Variants in IARS2 observed in about 807,000 individuals in gnomAD.
IARS2 encodes isoleucine--tRNA ligase, mitochondrial.
IARS2 carries 56 observed loss-of-function variants against 126.3 expected under a neutral mutation model. The observed-to-expected ratio is 0.44, with a 90% CI of 0.36 to 0.55. The LOEUF (loss-of-function observed/expected upper bound fraction) is 0.55. Among genes scored for constraint, IARS2 ranks in the 20% least tolerant of loss-of-function variants. IARS2 has a pLI of 0.00. For missense variants in IARS2, 1,127 were observed against 1,245.9 expected (o/e 0.90, Z 1.44); for synonymous variants, 407 against 441.1 (o/e 0.92, Z 0.97).
Position 220,132,525 on chromosome 1 carries a change from C to CTT in IARS2, c.1838-1860_1838-1859dup, listed in dbSNP as rs1368575100. On this transcript the variant is annotated intron_variant, in intron 14 of 22. Transcript: ENST00000366922. ...TCTGTTGTATGTCACCTTTCTCTCTCTTTTTTTTTTTTTTTTTTGAGATGG... is the reference window on the plus strand; with the variant it reads ...TCTGTTGTATGTCACCTTTCTCTCTCTTTTTTTTTTTTTTTTTTTTGAGATGG... 3.2e-3 allele frequency among the ~76,000 whole-genome samples: 410 copies of CTT among 128,916 alleles called. 2 individuals are homozygous for CTT. Among genetic ancestry groups the CTT allele is most frequent in the Middle Eastern group, 4.4e-3 (1 of 226 alleles). 84.6% of individuals were successfully genotyped at this position (128,916 alleles called of 152,430 possible). A position where few individuals can be genotyped will look rare whatever the true frequency, so the allele number is the denominator to read the frequency against.
intron 14 of IARS2, among the ~76,000 whole-genome samples, chr1:220,130,240 A>G (rs1657232462): frequency 6.6e-6 from 1 of 152,036 alleles, no homozygotes; most frequent in Non-Finnish European, 1.5e-5. Flanking sequence ...CTGTTTCTTT[A>G]TTTGAATTCC....
chr1:220,105,150 G>C (rs1480528513), intron 8 of IARS2, among the ~76,000 whole-genome samples: 1 of 152,014 alleles, frequency 6.6e-6, no homozygotes, highest in Admixed American at 6.6e-5. Context: ...GTGTTGCCCA[G>C]GCTTGTTTCA....
intron 14 of IARS2, among the ~76,000 whole-genome samples, chr1:220,129,762 ATAGT>A (rs1252395279): frequency 2.6e-5 from 4 of 152,118 alleles, no homozygotes; most frequent in Non-Finnish European, 4.4e-5. Context: ...TCTTTGATGG[ATAGT>A]TAGACTGGTT....
Position 220,094,403 on chromosome 1 carries a change from A to G in IARS2, c.187A>G (p.Thr63Ala). The change falls in exon 1 of 23, where the codon ACG becomes GCG. Residue 63 changes from threonine (T) to alanine (A), a missense_variant. Coordinates refer to ENST00000366922, the MANE Select transcript of IARS2 (RefSeq NM_018060.4). ...PNSNSGRYRD[T>A]VLLPQTSFPM... The stretch of plus-strand genomic sequence containing the variant: ...CTCGAATAGTGGCAGATACCGGGAC[A>G]CGGTGCTGCTGCCGCAGACGAGCTT... The G allele has an allele frequency of 6.2e-7, 1 of 1,611,872 alleles. No homozygotes were observed. The highest frequency in any genetic ancestry group is 1.1e-5 in the South Asian group (1 of 91,044).
intron 12 of IARS2, among the ~76,000 whole-genome samples, chr1:220,116,630 G>C (rs1656918642): frequency 6.6e-6 from 1 of 152,118 alleles, no homozygotes; most frequent in South Asian, 2.1e-4. Flanking sequence ...TCTGAGGTAA[G>C]ACTTTAGGAA....
In IARS2 at chr1:220,143,062, C is replaced by T. The variant is rs113314730; in HGVS notation, c.2679C>T (p.Ile893=). ...CAMRDSFLGS[I]PGKNAAEYKV... Reference sequence around the variant, plus strand: ...TGCGAGACTCATTTCTTGGAAGCATCCCTGGCAAAAATGCAGCTGAGTACA... The same window carrying T: ...TGCGAGACTCATTTCTTGGAAGCATTCCTGGCAAAAATGCAGCTGAGTACA... Residue 893 remains isoleucine (I), a synonymous_variant, in exon 21 of 23, where the codon ATC becomes ATT. Transcript: ENST00000366922. 5 of 1,614,092 alleles carry T rather than the reference C, an allele frequency of 3.1e-6. No homozygotes were observed. In the African/African-American group the frequency reaches 5.3e-5, roughly 17 times the overall value.
In IARS2 at chr1:220,148,039, A is replaced by C. The variant is rs1657646256; in HGVS notation, c.*404A>C. The C allele has an allele frequency of 5.4e-6, 2 of 369,120 alleles. No homozygotes were observed. The highest frequency in any genetic ancestry group is 9.7e-6 in the Non-Finnish European group (2 of 206,646). The allele number at this position is 369,120 out of a possible 1,614,324, so 22.9% of individuals were successfully genotyped here. ...CTGAAAATAAAGGCATTCTGGAAAA[A>C]TACTGACTGATTTTGGTGCAGAAGT... On this transcript the variant is annotated 3_prime_UTR_variant, in exon 23 of 23. Transcript: ENST00000366922.
Position 220,096,131 on chromosome 1 carries a change from T to A in IARS2, c.295T>A (p.Trp99Arg), listed in dbSNP as rs1256344176. ...QKCGFSELYS[W>R]QRERKVKTEF... Reference sequence around the variant, plus strand: ...ATGTGGATTTTCAGAACTTTATTCATGGCAAAGAGAAAGAAAAGTAAAGAC... The same window carrying A: ...ATGTGGATTTTCAGAACTTTATTCAAGGCAAAGAGAAAGAAAAGTAAAGAC... Residue 99 changes from tryptophan (W) to arginine (R), a missense_variant, in exon 2 of 23, where the codon TGG becomes AGG. Trp to Arg is a moderately radical substitution (Grantham distance 101). Transcript: ENST00000366922. 6.6e-7 allele frequency: 1 copy of A among 1,508,072 alleles called. No homozygotes were observed. The highest frequency in any genetic ancestry group is 9.2e-7 in the Non-Finnish European group (1 of 1,091,046). 93.4% of individuals were successfully genotyped at this position (1,508,072 alleles called of 1,614,324 possible). A position where few individuals can be genotyped will look rare whatever the true frequency, so the allele number is the denominator to read the frequency against.
chr1:220,134,539 T>C, intron 15 of IARS2, 29 bp downstream of exon 15: 3 of 1,405,780 alleles, frequency 2.1e-6, no homozygotes, highest in Non-Finnish European at 3.0e-6. Flanking sequence ...ACCAACCTGC[T>C]GAGTACCTGC....
In IARS2 at chr1:220,100,539, T is replaced by C. The variant is rs1355117912; in HGVS notation, c.440T>C (p.Ile147Thr). ...NRFHMMNGSKIHFVPGWDCHG... is the reference protein window; with the variant it reads ...NRFHMMNGSKTHFVPGWDCHG... ...TTCCATATGATGAATGGCTCCAAAA[T>C]ACATTTTGTGCCCGGCTGGGATTGT... The change falls in exon 3 of 23, where the codon ATA (isoleucine) becomes ACA (threonine). Residue 147 changes from isoleucine to threonine, a missense_variant. Transcript: ENST00000366922. 1 of 1,613,438 alleles carries C rather than the reference T, an allele frequency of 6.2e-7. No homozygotes were observed. The highest frequency in any genetic ancestry group is 1.1e-5 in the South Asian group (1 of 90,972).
intron 2 of IARS2, among the ~76,000 whole-genome samples, chr1:220,097,596 C>A (rs1034496386): frequency 1.2e-4 from 18 of 151,958 alleles, no homozygotes; most frequent in Non-Finnish European, 2.4e-4. Flanking sequence ...ATCTCCTGAC[C>A]TCGTGATCTG....
intron 13 of IARS2, among the ~76,000 whole-genome samples, chr1:220,125,657 T>C (rs1247831264): frequency 1.3e-5 from 2 of 152,050 alleles, no homozygotes; most frequent in Admixed American, 6.6e-5. Context: ...ATATAAAAAT[T>C]AGCTGAGCAT....
chr1:220,137,480 A>G (rs185159517), intron 16 of IARS2, among the ~76,000 whole-genome samples: 13 of 152,028 alleles, frequency 8.6e-5, no homozygotes, highest in Admixed American at 7.2e-4. Context: ...GTTTTTTTCT[A>G]TTTTTTAACT....
At chr1:220,099,079 G>C (rs1330847613) in intron 2 of IARS2, among the ~76,000 whole-genome samples, 11 of 151,942 alleles carry the variant, frequency 7.2e-5, no homozygotes, top group African/African-American at 2.4e-4. Flanking sequence ...TGGGCATGGT[G>C]GCATGTGCCT....
chr1:220,126,576 T>C (rs1020513694), intron 13 of IARS2, among the ~76,000 whole-genome samples, 174 bp from the exon 14 acceptor site: 1 of 152,224 alleles, frequency 6.6e-6, no homozygotes, highest in African/African-American at 2.4e-5. Flanking sequence ...TACTTTTAAA[T>C]GTGAATGGAG....
At chr1:220,121,822 G>T (rs539668663) in intron 12 of IARS2, among the ~76,000 whole-genome samples, 160 of 152,272 alleles carry the variant, frequency 1.1e-3, no homozygotes, top group Admixed American at 1.8e-3. Context: ...TGAGTGTGGT[G>T]GCTCACAACC....
At chr1:220,133,408 A>G (rs188530042) in intron 14 of IARS2, among the ~76,000 whole-genome samples, 47 of 152,318 alleles carry the variant, frequency 3.1e-4, no homozygotes, top group African/African-American at 1.1e-3. Flanking sequence ...AATGCCTGCT[A>G]TATAACAAGT....
At chr1:220,116,893 C>A (rs1237517921) in intron 12 of IARS2, among the ~76,000 whole-genome samples, 1 of 149,804 alleles carries the variant, frequency 6.7e-6, no homozygotes. Context: ...ACTACAGGCA[C>A]GCGCCACTGA....
At chr1:220,122,795 T>A (rs1657075259) in intron 12 of IARS2, among the ~76,000 whole-genome samples, 1 of 152,222 alleles carries the variant, frequency 6.6e-6, no homozygotes, top group Non-Finnish European at 1.5e-5. Flanking sequence ...ATTTCTACCG[T>A]ATTTGCTAAA....
Sources: allele counts gnomAD v4.1 joint callset (sites outside exome capture counted in the v4.1 genomes callset), GRCh38; gene constraint gnomAD v4.1.1; transcripts MANE v1.5; gene names NCBI Gene and HGNC (gene_info 2026-07-23, HGNC 2026-07-21).